CEP295: variants seen among roughly 807,000 people sequenced by gnomAD.
The protein encoded by CEP295 is centrosomal protein of 295 kDa.
In CEP295, 190 loss-of-function variants were observed where a neutral mutation model predicts 291.6. The ratio of observed to expected loss-of-function variants is 0.65; its 90% CI spans 0.58 to 0.73. The LOEUF (loss-of-function observed/expected upper bound fraction) is 0.73. Ranked by LOEUF, CEP295 falls within the 30% of genes least tolerant of loss-of-function variation. The pLI is 0.00. For synonymous variants in CEP295, 993 were observed against 1,038.8 expected, an observed-to-expected ratio of 0.96 and a Z score of 0.85; for missense variants, 2,863 against 2,949.4, an observed-to-expected ratio of 0.97 and a Z score of 0.68.
rs1355254677 is a variant in CEP295 at position 93,697,280 on chromosome 11, G to C, written c.2368G>C (p.Val790Leu). Residue 790 changes from valine to leucine, a missense_variant, in exon 15 of 30, where the codon GTA becomes CTA. Transcript: ENST00000325212. ...LTEPSSFVPLVPQHSFSSLPV... is the reference protein window; with the variant it reads ...LTEPSSFVPLLPQHSFSSLPV... ...TGAACCTTCTTCATTTGTACCACTG[G>C]TACCTCAGCATTCTTTTAGTTCTCT... 6.4e-7 allele frequency: 1 copy of C among 1,551,558 alleles called. No homozygotes were observed. The highest frequency in any genetic ancestry group is 8.7e-7 in the Non-Finnish European group (1 of 1,147,018).
At chr11:93,681,068 C>T (rs1480453500) in intron 7 of CEP295, among the ~76,000 whole-genome samples, 1 of 152,104 alleles carries the variant, frequency 6.6e-6, no homozygotes, top group East Asian at 1.9e-4. Context: ...AAAACAGACA[C>T]AAAAAGCAGT....
chr11:93,681,596 A>G (rs758892850), intron 7 of CEP295, among the ~76,000 whole-genome samples: 1 of 151,048 alleles, frequency 6.6e-6, no homozygotes. Flanking sequence ...TTATATTTTT[A>G]GTAGAGACAG....
At chr11:93,717,901 A>G (rs1953388560) in intron 18 of CEP295, among the ~76,000 whole-genome samples, 1 of 152,016 alleles carries the variant, frequency 6.6e-6, no homozygotes, top group Non-Finnish European at 1.5e-5. Context: ...CCAGATTCAG[A>G]TTGTTTCAAA....
chr11:93,673,699 G>T (rs1160214123), intron 5 of CEP295, among the ~76,000 whole-genome samples: 1 of 151,898 alleles, frequency 6.6e-6, no homozygotes, highest in Non-Finnish European at 1.5e-5. Context: ...CTCCATGTTG[G>T]TCAGGCTGGT....
At chr11:93,679,967 C>T (rs576564145) in intron 7 of CEP295, among the ~76,000 whole-genome samples, 5 of 152,220 alleles carry the variant, frequency 3.3e-5, no homozygotes, top group East Asian at 3.9e-4. Flanking sequence ...TCCTTGCTAC[C>T]GGAGCTTTTA....
intron 15 of CEP295, among the ~76,000 whole-genome samples, chr11:93,701,317 T>C (rs957835631): frequency 1.3e-5 from 2 of 152,130 alleles, no homozygotes; most frequent in Non-Finnish European, 2.9e-5. Context: ...GTGAGCCATA[T>C]TATGCCACTG....
Position 93,679,395 on chromosome 11 carries a change from T to A in CEP295, c.625-17T>A. 1 of 1,533,756 alleles carries A rather than the reference T, an allele frequency of 6.5e-7. No homozygotes were observed. The highest frequency in any genetic ancestry group is 1.4e-5 in the African/African-American group (1 of 72,206). ...ACACTTTAAAAATTTTGCCTACAATTTTTGATTGACTGCTAGCCAGATGCT... is the reference window on the plus strand; with the variant it reads ...ACACTTTAAAAATTTTGCCTACAATATTTGATTGACTGCTAGCCAGATGCT... On this transcript the variant is annotated splice_polypyrimidine_tract_variant and intron_variant, in intron 6 of 29. Coordinates refer to ENST00000325212, the MANE Select transcript of CEP295 (RefSeq NM_033395.2).
At chr11:93,724,988 C>T (rs1212138025) in intron 22 of CEP295, among the ~76,000 whole-genome samples, 1 of 152,004 alleles carries the variant, frequency 6.6e-6, no homozygotes, top group Non-Finnish European at 1.5e-5. Flanking sequence ...GGTGCGGTGG[C>T]TCATGCCTGT....
At chr11:93,681,920 A>T (rs10831090) in intron 7 of CEP295, among the ~76,000 whole-genome samples, 24 of 151,372 alleles carry the variant, frequency 1.6e-4, no homozygotes, top group South Asian at 4.2e-4. Context: ...GTGAGGATTC[A>T]ATGAGTTTTC....
intron 7 of CEP295, among the ~76,000 whole-genome samples, chr11:93,683,255 A>G (rs1328358563): frequency 1.3e-5 from 2 of 152,164 alleles, no homozygotes; most frequent in Non-Finnish European, 2.9e-5. Flanking sequence ...GCTGGCAGAC[A>G]CTTTTTGCAG....
Position 93,726,963 on chromosome 11 carries a change from T to A in CEP295, c.6500-13T>A, listed in dbSNP as rs1299565538. On this transcript the variant is annotated splice_polypyrimidine_tract_variant and intron_variant, in intron 23 of 29. Coordinates refer to ENST00000325212, the MANE Select transcript of CEP295 (RefSeq NM_033395.2). ...TAACGATGATTAACTGATTTTTGAA[T>A]TTCTTAATGCAGGATCTGAACAATG... is the stretch of plus-strand genomic sequence containing the variant. The A allele has an allele frequency of 6.8e-7, 1 of 1,477,832 alleles. No homozygotes were observed. Among genetic ancestry groups the A allele is most frequent in the South Asian group, 1.4e-5 (1 of 72,624 alleles). 91.5% of individuals were successfully genotyped at this position (1,477,832 alleles called of 1,614,324 possible).
intron 18 of CEP295, among the ~76,000 whole-genome samples, chr11:93,715,084 TGGCAAGTGGCCCCG>T (rs1429689975): frequency 6.6e-6 from 1 of 152,148 alleles, no homozygotes; most frequent in Non-Finnish European, 1.5e-5. Context: ...GCCTTCAGGG[TGGCAAGTGGCCCCG>T]GGCAAATCCA....
intron 8 of CEP295, 57 bp from the exon 9 acceptor site, chr11:93,683,907 T>C: frequency 6.6e-7 from 1 of 1,512,756 alleles, no homozygotes; most frequent in East Asian, 2.5e-5. Flanking sequence ...ATTTTTGTGA[T>C]CCAGTTATTT....
chr11:93,693,490 T>C (rs547392142), intron 12 of CEP295, among the ~76,000 whole-genome samples: 2 of 152,290 alleles, frequency 1.3e-5, no homozygotes, highest in East Asian at 3.9e-4. Context: ...GTGCAGTGGC[T>C]CATATCTGTC....
At chr11:93,727,766 G>A in intron 24 of CEP295, 129 bp downstream of exon 24, 1 of 729,560 alleles carries the variant, frequency 1.4e-6, no homozygotes, top group Non-Finnish European at 2.2e-6. Flanking sequence ...AGGATCAAGG[G>A]ATCCTCCTGC....
intron 12 of CEP295, among the ~76,000 whole-genome samples, chr11:93,694,112 T>G (rs1358653076): frequency 6.6e-6 from 1 of 152,232 alleles, no homozygotes; most frequent in African/African-American, 2.4e-5. Context: ...TAACTAGGAA[T>G]AGGTAAAGAA....
rs116375152 is a variant in CEP295 at position 93,724,970 on chromosome 11, T to C, written c.6318+595T>C. Among the ~76,000 whole-genome samples, 1,215 of 151,916 alleles carry C rather than the reference T, an allele frequency of 8.0e-3. 22 individuals carry two copies. Among genetic ancestry groups the C allele is most frequent in the East Asian group, 0.054 (275 of 5,112 alleles). On this transcript the variant is annotated intron_variant, in intron 22 of 29. Transcript: ENST00000325212. ...GGAACCAACTTTGAAAACAGCTGCA[T>C]TGGGCCGGGTGCGGTGGCTCATGCC...
chr11:93,690,159 C>T (rs745428382), intron 10 of CEP295, among the ~76,000 whole-genome samples: 2 of 152,190 alleles, frequency 1.3e-5, no homozygotes, highest in African/African-American at 4.8e-5. Flanking sequence ...CACCTGTAAT[C>T]CCAGCACTTT....
chr11:93,697,876 C>T lies in CEP295; in HGVS notation c.2964C>T (p.Ser988=), dbSNP rs3802770. Residue 988 remains serine, a synonymous_variant, in exon 15 of 30, where the codon TCC becomes TCT. Transcript: ENST00000325212. ...GTGAATTGGATAGAAGAGTATGTTC[C>T]GAACAGGCTGAGCCCTCTTTCCCAT... The part of the protein sequence containing the change: ...KQSELDRRVC[S]EQAEPSFPFQ... 4.0e-3 allele frequency: 6,210 copies of T among 1,551,600 alleles called. 152 individuals are homozygous for T. In the East Asian group the frequency reaches 0.069, roughly 17 times the overall value.
Sources: gnomAD v4.1 joint callset for allele counts (sites outside exome capture counted in the v4.1 genomes callset) on GRCh38, gnomAD v4.1.1 for gene constraint, MANE v1.5 for transcripts, NCBI Gene and HGNC (gene_info 2026-07-23, HGNC 2026-07-21) for gene names.